Variants in CREB5 observed in about 807,000 individuals in gnomAD.
The protein encoded by CREB5 is cyclic AMP-responsive element-binding protein 5.
In CREB5, 19 loss-of-function variants were observed where a neutral mutation model predicts 57.1. The ratio of observed to expected loss-of-function variants is 0.33; its 90% confidence interval spans 0.23 to 0.49. The LOEUF is 0.49. CREB5 is among the 20% of genes least tolerant of loss of function. The pLI is 0.99. For missense variants in CREB5, 579 were observed against 671.6 expected (o/e 0.86, Z 1.52); for synonymous variants, 238 against 238.3 (o/e 1.00, Z 0.01).
intron 5 of CREB5, among the ~76,000 whole-genome samples, chr7:28,626,963 C>T (rs1392623123): frequency 6.6e-6 from 1 of 152,138 alleles, no homozygotes; most frequent in Non-Finnish European, 1.5e-5. Context: ...TCTGTTTTTG[C>T]TCTCAATGCT....
Position 28,644,609 on chromosome 7 carries a change from G to GAAATGTTTCAATTTC in CREB5, c.464+74076_464+74077insGTTTCAATTTCAAAT, listed in dbSNP as rs1562546072. Among the ~76,000 whole-genome samples the GAAATGTTTCAATTTC allele has an allele frequency of 7.9e-3, 1,200 of 151,794 alleles. 16 individuals are homozygous for GAAATGTTTCAATTTC. Among genetic ancestry groups the GAAATGTTTCAATTTC allele is most frequent in the African/African-American group, 0.027 (1,104 of 41,190 alleles). ...GAATTAAAACATTATGTTTCAATTT[G>GAAATGTTTCAATTTC]AAATTTTGAATTTCAATTTGAAATG... On this transcript the variant is annotated intron_variant, in intron 5 of 10. Coordinates refer to ENST00000357727, the MANE Select transcript of CREB5 (RefSeq NM_182898.4).
intron 5 of CREB5, among the ~76,000 whole-genome samples, chr7:28,653,784 G>A (rs1311909395): frequency 6.6e-6 from 1 of 152,210 alleles, no homozygotes; most frequent in East Asian, 1.9e-4. Flanking sequence ...TTCTCTTATT[G>A]TGGTCCATGT....
intron 7 of CREB5, among the ~76,000 whole-genome samples, chr7:28,803,572 G>T (rs1808498495): frequency 6.6e-6 from 1 of 151,820 alleles, no homozygotes; most frequent in Non-Finnish European, 1.5e-5. Flanking sequence ...GCCTGGCCAA[G>T]ATGATGAAAC....
intron 1 of CREB5, among the ~76,000 whole-genome samples, chr7:28,471,465 G>A (rs184233619): frequency 2.6e-5 from 4 of 151,944 alleles, no homozygotes; most frequent in African/African-American, 4.8e-5. Context: ...ATGCTCTTTC[G>A]GTTACTATAG....
At chr7:28,416,490 G>GTAT (rs1466323284) in intron 1 of CREB5, among the ~76,000 whole-genome samples, 1 of 152,166 alleles carries the variant, frequency 6.6e-6, no homozygotes, top group East Asian at 1.9e-4. Context: ...GACTGGCCAG[G>GTAT]TATTAATTCA....
At position 28,592,845 on chromosome 7, in the gene CREB5, C is replaced by T. The variant is rs796448339; in HGVS notation, c.464+22308C>T. ...ACATAATAACCTACTTACCAAATCC[C>T]TCTGTGTCTCCGTTTTCTTATTTGT... On this transcript the variant is annotated intron_variant, in intron 5 of 10. Coordinates refer to ENST00000357727, the MANE Select transcript of CREB5 (RefSeq NM_182898.4). Among the ~76,000 whole-genome samples the T allele has an allele frequency of 2.6e-5, 4 of 152,314 alleles. 1 individual carries two copies. The highest frequency in any genetic ancestry group is 9.6e-5 in the African/African-American group (4 of 41,564).
At chr7:28,307,072 G>A (rs1236236936) in intron 1 of CREB5, among the ~76,000 whole-genome samples, 1 of 152,098 alleles carries the variant, frequency 6.6e-6, no homozygotes, top group African/African-American at 2.4e-5. Context: ...ACCTAACAGT[G>A]TTTCATGAAA....
intron 1 of CREB5, among the ~76,000 whole-genome samples, chr7:28,432,634 A>G (rs1357039688): frequency 1.3e-5 from 2 of 152,196 alleles, no homozygotes; most frequent in Non-Finnish European, 2.9e-5. Context: ...TAATCCTAAA[A>G]TCTTTCTAGT....
At chr7:28,580,558 G>GGTT (rs1796082521) in intron 5 of CREB5, among the ~76,000 whole-genome samples, 2 of 124,912 alleles carry the variant, frequency 1.6e-5, no homozygotes, top group African/African-American at 6.1e-5. Context: ...TTGGCAAATT[G>GGTT]GTGTGTGTGT....
At chr7:28,786,393 T>C (rs969654384) in intron 7 of CREB5, among the ~76,000 whole-genome samples, 1 of 152,076 alleles carries the variant, frequency 6.6e-6, no homozygotes, top group Admixed American at 6.5e-5. Context: ...ATTACAGTCA[T>C]GCACCACCAC....
intron 5 of CREB5, among the ~76,000 whole-genome samples, chr7:28,682,704 C>T (rs1800664515): frequency 6.6e-6 from 1 of 151,322 alleles, no homozygotes; most frequent in Non-Finnish European, 1.5e-5. Context: ...GAAACCCCAG[C>T]TCTCTCTAGG....
chr7:28,479,721 T>C (rs952913594), intron 1 of CREB5, among the ~76,000 whole-genome samples: 2 of 152,172 alleles, frequency 1.3e-5, no homozygotes, highest in African/African-American at 4.8e-5. Flanking sequence ...GCTGGGGTCG[T>C]GGGAAAAAAG....
At chr7:28,354,175 C>T (rs548487145) in intron 1 of CREB5, among the ~76,000 whole-genome samples, 2 of 152,262 alleles carry the variant, frequency 1.3e-5, no homozygotes, top group East Asian at 3.9e-4. Context: ...ATGGTTAATA[C>T]TGAGTGTCCA....
At chr7:28,348,420 A>G (rs866116859) in intron 1 of CREB5, among the ~76,000 whole-genome samples, 1 of 150,584 alleles carries the variant, frequency 6.6e-6, no homozygotes, top group East Asian at 2.0e-4. Flanking sequence ...ACACACACAC[A>G]CACACACACA....
intron 5 of CREB5, among the ~76,000 whole-genome samples, chr7:28,626,835 C>T (rs564892052): frequency 3.9e-5 from 6 of 152,078 alleles, no homozygotes; most frequent in African/African-American, 1.2e-4. Context: ...GGGAGCCTAC[C>T]GGGGGCCCTT....
At chr7:28,764,551 C>T (rs985609372) in intron 7 of CREB5, among the ~76,000 whole-genome samples, 4 of 152,124 alleles carry the variant, frequency 2.6e-5, no homozygotes, top group African/African-American at 9.7e-5. Flanking sequence ...TGGTCTTAGA[C>T]TATTTGATTT....
rs193175877 is a variant in CREB5 at position 28,521,720 on chromosome 7, C to T, written c.291+13983C>T. 6.6e-5 allele frequency among the ~76,000 whole-genome samples: 10 copies of T among 152,260 alleles called. No individual in the cohort carries two copies. The East Asian group carries it at 1.9e-3, about 29-fold the overall frequency. ...TACTTGGCATTCTTCAAACCACTTC[C>T]ATGGTACTTCTGCACAATACGGTGT... is the stretch of plus-strand genomic sequence containing the variant. On this transcript the variant is annotated intron_variant, in intron 4 of 10. Coordinates refer to ENST00000357727, the MANE Select transcript of CREB5 (RefSeq NM_182898.4).
chr7:28,577,560 C>A (rs116043039), intron 5 of CREB5, among the ~76,000 whole-genome samples: 178 of 152,294 alleles, frequency 1.2e-3, no homozygotes, highest in African/African-American at 4.2e-3. Context: ...ACCCATTTTG[C>A]AGTTGAGTAA....
chr7:28,703,997 C>T (rs1191639243), intron 5 of CREB5, among the ~76,000 whole-genome samples: 2 of 152,178 alleles, frequency 1.3e-5, no homozygotes, highest in African/African-American at 4.8e-5. Context: ...CAGGTATCAT[C>T]TACTATGAAG....
Sources: allele counts gnomAD v4.1 joint callset (sites outside exome capture counted in the v4.1 genomes callset), GRCh38; gene constraint gnomAD v4.1.1; transcripts MANE v1.5; gene names NCBI Gene and HGNC (gene_info 2026-07-23, HGNC 2026-07-21).